GRIP1: variants seen among roughly 807,000 people sequenced by gnomAD.
The protein encoded by GRIP1 is glutamate receptor-interacting protein 1.
Under a neutral mutation model 129.9 loss-of-function variants are expected in GRIP1, and 45 were observed. The ratio of observed to expected loss-of-function variants is 0.35; its 90% CI spans 0.27 to 0.44. The LOEUF (loss-of-function observed/expected upper bound fraction) is 0.44, where lower values mean the gene tolerates loss of function less well. Ranked by LOEUF, GRIP1 falls within the 20% of genes least tolerant of loss-of-function variation. GRIP1 has a pLI of 1.00. For synonymous variants in GRIP1, 530 were observed against 520.8 expected, an observed-to-expected ratio of 1.02 and a Z score of -0.24; for missense variants, 1,196 against 1,396.8, an observed-to-expected ratio of 0.86 and a Z score of 2.29.
chr12:66,608,502 T>G (rs1209536640), intron 1 of GRIP1, among the ~76,000 whole-genome samples: 1 of 152,078 alleles, frequency 6.6e-6, no homozygotes, highest in African/African-American at 2.4e-5. Context: ...CTGGCTAATT[T>G]TTATATTTTT....
intron 14 of GRIP1, among the ~76,000 whole-genome samples, chr12:66,430,314 A>G (rs1481102834): frequency 6.6e-6 from 1 of 152,200 alleles, no homozygotes; most frequent in African/African-American, 2.4e-5. Flanking sequence ...TAGTTGTGCA[A>G]ATGGAGCTGT....
chr12:66,714,924 CA>C (rs200795284), intron 1 of GRIP1, among the ~76,000 whole-genome samples: 184 of 132,326 alleles, frequency 1.4e-3, no homozygotes, highest in African/African-American at 4.7e-3. Flanking sequence ...TCCATCCATC[CA>C]ATCCAATCCA....
At chr12:67,052,234 T>C (rs572292126) in intron 1 of GRIP1, among the ~76,000 whole-genome samples, 8 of 152,248 alleles carry the variant, frequency 5.3e-5, no homozygotes, top group Non-Finnish European at 8.8e-5. Flanking sequence ...CTGGCAAATG[T>C]CCCCCTCCCT....
intron 1 of GRIP1, among the ~76,000 whole-genome samples, chr12:66,651,320 A>G (rs2032778478): frequency 6.6e-6 from 1 of 152,198 alleles, no homozygotes; most frequent in South Asian, 2.1e-4. Context: ...CACACACTGG[A>G]ATCATCTGTA....
intron 1 of GRIP1, among the ~76,000 whole-genome samples, chr12:67,059,707 T>C (rs965203118): frequency 5.3e-5 from 8 of 152,212 alleles, no homozygotes; most frequent in African/African-American, 1.9e-4. Context: ...ATCTTAAAAG[T>C]AGTGTGTAAA....
At chr12:66,759,911 A>G (rs11176411) in intron 1 of GRIP1, among the ~76,000 whole-genome samples, 68,604 of 150,954 alleles carry the variant, frequency 0.45, 15,767 homozygotes, top group Middle Eastern at 0.59. Flanking sequence ...CTGCAGTGCA[A>G]TGGTGCAATC....
In GRIP1 at chr12:66,541,814, C is replaced by T; in HGVS notation, c.272+1G>A. 6.2e-7 allele frequency: 1 copy of T among 1,613,934 alleles called. No individual in the cohort carries two copies. The highest frequency in any genetic ancestry group is 8.5e-7 in the Non-Finnish European group (1 of 1,179,824). ...AGTAGATTTCCCCAAGAGGCAGTTA[C>T]CTAGCAGCAATTCCTCCTTGCCGCA... On this transcript the variant is annotated splice_donor_variant, in intron 3 of 24. Coordinates refer to ENST00000359742, the MANE Select transcript of GRIP1 (RefSeq NM_001366722.1). LOFTEE classifies it high-confidence loss of function.
chr12:66,815,007 G>T (rs1196763795), intron 1 of GRIP1, among the ~76,000 whole-genome samples: 1 of 152,020 alleles, frequency 6.6e-6, no homozygotes, highest in Non-Finnish European at 1.5e-5. Flanking sequence ...TGACAAATAG[G>T]GATTATAGGG....
intron 1 of GRIP1, among the ~76,000 whole-genome samples, chr12:67,030,060 AAT>A (rs1420416198): frequency 1.0e-4 from 14 of 134,114 alleles, no homozygotes; most frequent in Non-Finnish European, 2.3e-4. Flanking sequence ...AAAAAAAAAA[AAT>A]TAGCCAGGTG....
chr12:66,607,066 G>T (rs940377861), intron 1 of GRIP1, among the ~76,000 whole-genome samples: 9 of 152,012 alleles, frequency 5.9e-5, no homozygotes, highest in Non-Finnish European at 1.2e-4. Context: ...TATAAAGAAA[G>T]GCACTCCTTC....
chr12:66,803,896 A>C, intron 1 of GRIP1: 2 of 309,844 alleles, frequency 6.5e-6, no homozygotes, highest in Non-Finnish European at 1.3e-5. Context: ...CTGTTCTTGC[A>C]ACAAATCAAG....
chr12:66,762,204 A>G (rs558796064), intron 1 of GRIP1, among the ~76,000 whole-genome samples: 7 of 152,292 alleles, frequency 4.6e-5, no homozygotes, highest in Non-Finnish European at 1.0e-4. Flanking sequence ...GGTGATTTAC[A>G]CTTGCTCAGT....
chr12:66,361,213 C>T (rs1260071272), intron 23 of GRIP1, among the ~76,000 whole-genome samples: 1 of 152,180 alleles, frequency 6.6e-6, no homozygotes, highest in East Asian at 1.9e-4. Context: ...AAGGCAGCTG[C>T]TGCCTTCCTG....
intron 5 of GRIP1, among the ~76,000 whole-genome samples, chr12:66,522,610 C>T (rs901772980): frequency 3.3e-5 from 5 of 152,274 alleles, no homozygotes; most frequent in Admixed American, 2.0e-4. Context: ...AAACTGGAAA[C>T]TCTAAAAAGC....
chr12:66,642,821 G>C (rs2032048775), intron 1 of GRIP1, among the ~76,000 whole-genome samples: 1 of 152,056 alleles, frequency 6.6e-6, no homozygotes, highest in South Asian at 2.1e-4. Context: ...TTAAAATACA[G>C]TGATAATAGC....
intron 1 of GRIP1, among the ~76,000 whole-genome samples, chr12:67,057,594 C>A (rs1427296703): frequency 1.3e-5 from 2 of 152,044 alleles, no homozygotes; most frequent in Non-Finnish European, 2.9e-5. Flanking sequence ...GAGTATAGAG[C>A]CAATGCTATT....
chr12:66,803,882 A>G, intron 1 of GRIP1: 1 of 311,184 alleles, frequency 3.2e-6, no homozygotes. Flanking sequence ...CTATTATCTA[A>G]TGGCTGTTCT....
chr12:66,355,286 G>C (rs117531567), intron 23 of GRIP1, among the ~76,000 whole-genome samples: 110 of 152,238 alleles, frequency 7.2e-4, no homozygotes, highest in Admixed American at 2.0e-3. Flanking sequence ...AGGGACTGAG[G>C]ATATTTTTCA....
intron 1 of GRIP1, among the ~76,000 whole-genome samples, chr12:66,942,161 C>T (rs1479155849): frequency 6.6e-6 from 1 of 152,178 alleles, no homozygotes. Flanking sequence ...AAATGCATTC[C>T]ATCAAGGTTG....
Sources: allele counts gnomAD v4.1 joint callset (sites outside exome capture counted in the v4.1 genomes callset), GRCh38; gene constraint gnomAD v4.1.1; transcripts MANE v1.5; gene names NCBI Gene and HGNC (gene_info 2026-07-23, HGNC 2026-07-21).